The following UNC50 variants were observed in gnomAD, a reference collection of about 807,000 sequenced individuals.
UNC50 encodes the protein unc-50 inner nuclear membrane RNA binding protein.
UNC50 carries 24 observed loss-of-function variants against 31.5 expected under a neutral mutation model. That is an observed-to-expected ratio of 0.76 (90% CI 0.55 to 1.07). UNC50 has a LOEUF of 1.07. Ranked by LOEUF, UNC50 falls within the 50% of genes least tolerant of loss-of-function variation. The pLI, the probability that UNC50 is intolerant of heterozygous loss-of-function variation, is 0.00. For synonymous variants in UNC50, 118 were observed against 114.7 expected, an observed-to-expected ratio of 1.03 and a Z score of -0.18; for missense variants, 245 against 304.2, an observed-to-expected ratio of 0.81 and a Z score of 1.45.
intron 3 of UNC50, among the ~76,000 whole-genome samples, chr2:98,613,601 A>G (rs1051199601): frequency 6.6e-6 from 1 of 152,166 alleles, no homozygotes; most frequent in Non-Finnish European, 1.5e-5. Flanking sequence ...CGAGAACAGC[A>G]TGGGGGAAAT....
chr2:98,609,967 C>T lies in UNC50; in HGVS notation c.208C>T (p.Arg70Ter). The T allele has an allele frequency of 6.2e-7, 1 of 1,614,136 alleles. No individual in the cohort carries two copies. The highest frequency in any genetic ancestry group is 8.5e-7 in the Non-Finnish European group (1 of 1,180,032). The change falls in exon 2 of 6, where the codon CGA becomes TGA. Residue 70 changes from arginine (R) to a stop codon, truncating the protein, a stop_gained. Coordinates refer to ENST00000357765, the MANE Select transcript of UNC50 (RefSeq NM_014044.7). LOFTEE classifies it high-confidence loss of function. ...PQRVYRNFHY[R>*]KQTKDQWARD... ...GAGAGTTTACAGAAATTTTCATTAT[C>T]GAAAACAGACGAAGGACCAGTGGGC...
At chr2:98,610,991 G>A in intron 3 of UNC50, 96 bp downstream of exon 3, 2 of 1,389,128 alleles carry the variant, frequency 1.4e-6, no homozygotes, top group Non-Finnish European at 1.9e-6. Context: ...TTGAAACCCA[G>A]GTAGAGTTAC....
At chr2:98,610,649 T>C (rs1379948895) in intron 2 of UNC50, 126 bp from the exon 3 acceptor site, 1 of 1,205,520 alleles carries the variant, frequency 8.3e-7, no homozygotes, top group Non-Finnish European at 1.2e-6. Flanking sequence ...TGTTCACACA[T>C]CTTGGGAGTT....
At chr2:98,612,755 C>T (rs1700856711) in intron 3 of UNC50, among the ~76,000 whole-genome samples, 1 of 152,220 alleles carries the variant, frequency 6.6e-6, no homozygotes, top group Admixed American at 6.5e-5. Context: ...AGTTCCATTC[C>T]AGATACTGCA....
chr2:98,610,818 T>G lies in UNC50; in HGVS notation c.324T>G (p.Phe108Leu). ...GCTTTGTGCTGGACATGGGATTCTT[T>G]GAGACAATAAAGCTTCTCCTTTGGG... ...GFGFVLDMGF[F>L]ETIKLLLWVV... is the part of the protein sequence containing the mutation. Residue 108 changes from phenylalanine to leucine, a missense_variant, in exon 3 of 6, where the codon TTT becomes TTG. Coordinates refer to ENST00000357765, the MANE Select transcript of UNC50 (RefSeq NM_014044.7). 4 of 1,614,224 alleles carry G rather than the reference T, an allele frequency of 2.5e-6. No homozygotes were observed. The highest frequency in any genetic ancestry group is 3.4e-6 in the Non-Finnish European group (4 of 1,180,018).
At chr2:98,615,338 C>T (rs1700902665) in intron 3 of UNC50, among the ~76,000 whole-genome samples, 1 of 152,180 alleles carries the variant, frequency 6.6e-6, no homozygotes, top group Admixed American at 6.5e-5. Flanking sequence ...TATACAACTT[C>T]TTACTCCATA....
Position 98,613,537 on chromosome 2 carries a change from GAAATGCC to G in UNC50, c.401+2649_401+2655del, listed in dbSNP as rs1700873044. ...CGGGATGGAGTGAGTACAAGTGGGG[GAAATGCC>G]AAATGCTTATAAAACCATCAGATCT... is the stretch of plus-strand genomic sequence containing the variant. On this transcript the variant is annotated intron_variant, in intron 3 of 5. Transcript: ENST00000357765. 3.9e-5 allele frequency among the ~76,000 whole-genome samples: 6 copies of G among 152,310 alleles called. No homozygotes were observed. In the South Asian group the frequency reaches 1.2e-3, roughly 32 times the overall value.
Position 98,616,343 on chromosome 2 carries a change from A to C in UNC50, c.538A>C (p.Asn180His). ...GCATTTTATCCAGCTTTTTTTCATC[A>C]ACCGTAAGTAGCAGTTAATTAGAGT... ...ILHFIQLFFI[N>H]HVILTDTFIG... The change falls in exon 4 of 6, where the codon AAC (asparagine) becomes CAC (histidine). Residue 180 changes from asparagine (N) to histidine (H), a missense_variant. By Grantham distance (68) the Asn-to-His change is moderately conservative. Transcript: ENST00000357765. 6.2e-7 allele frequency: 1 copy of C among 1,613,844 alleles called. No individual in the cohort carries two copies. Among genetic ancestry groups the C allele is most frequent in the Non-Finnish European group, 8.5e-7 (1 of 1,179,942 alleles).
intron 5 of UNC50, 67 bp from the exon 6 acceptor site, chr2:98,618,101 A>G: frequency 7.0e-7 from 1 of 1,424,404 alleles, no homozygotes; most frequent in Non-Finnish European, 9.3e-7. Flanking sequence ...TGTCTTTCAA[A>G]ATGTTCATTT....
In UNC50 at chr2:98,616,308, T is replaced by G; in HGVS notation, c.503T>G (p.Leu168Arg). The G allele has an allele frequency of 6.2e-7, 1 of 1,614,166 alleles. No homozygotes were observed. The highest frequency in any genetic ancestry group is 8.5e-7 in the Non-Finnish European group (1 of 1,180,016). The change falls in exon 4 of 6, where the codon CTG becomes CGG. Residue 168 changes from leucine to arginine, a missense_variant. Transcript: ENST00000357765. ...CATCTCAATGCTTTTTATCCACTCC[T>G]GGTCATTTTGCATTTTATCCAGCTT... ...DVHLNAFYPL[L>R]VILHFIQLFF...
intron 3 of UNC50, among the ~76,000 whole-genome samples, chr2:98,614,981 T>C (rs1700897322): frequency 6.6e-6 from 1 of 152,264 alleles, no homozygotes; most frequent in Non-Finnish European, 1.5e-5. Context: ...TATATGTTTA[T>C]AATACAAGTT....
Position 98,616,210 on chromosome 2 carries a change from C to G in UNC50, c.405C>G (p.Phe135Leu). ...GAAATTTTAATTTTGCTCTTAGGTTCATCTCTAACAAGTATTTAGTGAAAC... is the reference window on the plus strand; with the variant it reads ...GAAATTTTAATTTTGCTCTTAGGTTGATCTCTAACAAGTATTTAGTGAAAC... ...VGLLIATLMWFISNKYLVKRQ... is the reference protein window; with the variant it reads ...VGLLIATLMWLISNKYLVKRQ... The change falls in exon 4 of 6, where the codon TTC (phenylalanine) becomes TTG (leucine). Residue 135 changes from phenylalanine (F) to leucine (L), a missense_variant. Phe to Leu is a conservative substitution (Grantham distance 22). Transcript: ENST00000357765. The G allele has an allele frequency of 6.2e-7, 1 of 1,603,712 alleles. No individual in the cohort carries two copies.
rs755934128 is a variant in UNC50, at chr2:98,608,699, G to A, written c.-32G>A. On this transcript the variant is annotated 5_prime_UTR_variant, in exon 1 of 6. The change creates a new upstream start codon in the 5' untranslated region. Transcript: ENST00000357765. ...GAGGAGGTGGTGGGCTGGTTCGGAC[G>A]TGGGTCGAGGCTGTAGCAGGACTCC... is the stretch of plus-strand genomic sequence containing the variant. 4.2e-6 allele frequency: 2 copies of A among 481,722 alleles called. No homozygotes were observed. The highest frequency in any genetic ancestry group is 2.0e-5 in the African/African-American group (1 of 49,394). 29.8% of individuals were successfully genotyped at this position (481,722 alleles called of 1,614,324 possible). A position where few individuals can be genotyped will look rare whatever the true frequency, so the allele number is the denominator to read the frequency against.
At position 98,618,399 on chromosome 2, in the gene UNC50, T is replaced by C; in HGVS notation, c.*95T>C. 1 of 1,372,180 alleles carries C rather than the reference T, an allele frequency of 7.3e-7. No individual in the cohort carries two copies. The highest frequency in any genetic ancestry group is 9.6e-7 in the Non-Finnish European group (1 of 1,042,652). 85.0% of individuals were successfully genotyped at this position (1,372,180 alleles called of 1,614,324 possible). A position where few individuals can be genotyped will look rare whatever the true frequency, so the allele number is the denominator to read the frequency against. On this transcript the variant is annotated 3_prime_UTR_variant, in exon 6 of 6. Coordinates refer to ENST00000357765, the MANE Select transcript of UNC50 (RefSeq NM_014044.7). ...GTAAATAAACTATCATCTTTGTAGATATCTTAAAGGTGTAAAGTTTGCAAA... is the reference window on the plus strand; with the variant it reads ...GTAAATAAACTATCATCTTTGTAGACATCTTAAAGGTGTAAAGTTTGCAAA...
At chr2:98,616,009 GCTTT>G (rs764417452) in intron 3 of UNC50, among the ~76,000 whole-genome samples, 194 bp from the exon 4 acceptor site, 3 of 152,120 alleles carry the variant, frequency 2.0e-5, no homozygotes, top group Non-Finnish European at 4.4e-5. Flanking sequence ...TTTCTCTGCT[GCTTT>G]CTCTCTTTCC....
In UNC50 at chr2:98,610,076, G is replaced by A. The variant is rs1353138865; in HGVS notation, c.280+37G>A. On this transcript the variant is annotated intron_variant, in intron 2 of 5. Transcript: ENST00000357765. ...TATCTGAGATAGAATTGAACGCTGA[G>A]TGTTTCTGATTAGATTTTTTGTTAT... The A allele has an allele frequency of 3.2e-6, 5 of 1,562,740 alleles. No individual in the cohort carries two copies. The South Asian group carries it at 5.8e-5, about 18-fold the overall frequency.
chr2:98,609,557 C>A lies in UNC50; in HGVS notation c.-4-199C>A, dbSNP rs1463864476. 3 of 721,938 alleles carry A rather than the reference C, an allele frequency of 4.2e-6. No individual in the cohort carries two copies. The East Asian group carries it at 7.4e-5, about 18-fold the overall frequency. 44.7% of individuals were successfully genotyped at this position (721,938 alleles called of 1,614,324 possible). On this transcript the variant is annotated intron_variant, in intron 1 of 5. Coordinates refer to ENST00000357765, the MANE Select transcript of UNC50 (RefSeq NM_014044.7). ...TCAGAAGGGTGGGCTGTTGCCCTTG[C>A]CTGAGGTTGCAGTCTGCGGTTCCCA...
chr2:98,610,057 A>C lies in UNC50; in HGVS notation c.280+18A>C. The C allele has an allele frequency of 6.3e-6, 10 of 1,597,782 alleles. No homozygotes were observed. Among genetic ancestry groups the C allele is most frequent in the Non-Finnish European group, 8.6e-6 (10 of 1,168,586 alleles). On this transcript the variant is annotated intron_variant, in intron 2 of 5. Transcript: ENST00000357765. ...GCTCTGTGGTAAGTGTGTTTATCTG[A>C]GATAGAATTGAACGCTGAGTGTTTC...
In UNC50 at chr2:98,615,901, A is replaced by C. The variant is rs185175512; in HGVS notation, c.402-306A>C. Among the ~76,000 whole-genome samples the C allele has an allele frequency of 3.3e-3, 503 of 152,244 alleles. 5 individuals are homozygous for C. Among genetic ancestry groups the C allele is most frequent in the African/African-American group, 0.012 (483 of 41,516 alleles). On this transcript the variant is annotated intron_variant, in intron 3 of 5. Transcript: ENST00000357765. Reference sequence around the variant, plus strand: ...GACACTGGTCTTTTCACCATTCCTCAGGCCTGCCAGGCACCATCACTATCC... The same window carrying C: ...GACACTGGTCTTTTCACCATTCCTCCGGCCTGCCAGGCACCATCACTATCC...
Sources: gnomAD v4.1 joint callset for allele counts (sites outside exome capture counted in the v4.1 genomes callset) on GRCh38, gnomAD v4.1.1 for gene constraint, MANE v1.5 for transcripts, NCBI Gene and HGNC (gene_info 2026-07-23, HGNC 2026-07-21) for gene names.